ADAMTS17: variants seen among roughly 807,000 people sequenced by gnomAD.
The protein encoded by ADAMTS17 is ADAM metallopeptidase with thrombospondin type 1 motif 17, also known as A disintegrin and metalloproteinase with thrombospondin motifs 17.
Under a neutral mutation model 141.5 loss-of-function variants are expected in ADAMTS17, and 113 were observed. The ratio of observed to expected loss-of-function variants is 0.80; its 90% CI spans 0.69 to 0.93. The LOEUF is 0.93. Ranked by LOEUF, ADAMTS17 falls within the 40% of genes least tolerant of loss-of-function variation. The pLI is 0.00. For synonymous variants in ADAMTS17, 768 were observed against 630.6 expected, an observed-to-expected ratio of 1.22 and a Z score of -3.27; for missense variants, 1,659 against 1,517.9, an observed-to-expected ratio of 1.09 and a Z score of -1.54.
intron 7 of ADAMTS17, among the ~76,000 whole-genome samples, chr15:100,200,297 A>G (rs1345308843): frequency 6.6e-6 from 1 of 152,136 alleles, no homozygotes; most frequent in East Asian, 1.9e-4. Context: ...CAGGGGAAGA[A>G]TGTGGCTTTG....
At chr15:100,329,966 G>T (rs79967627) in intron 3 of ADAMTS17, among the ~76,000 whole-genome samples, 24 of 152,318 alleles carry the variant, frequency 1.6e-4, no homozygotes, top group Non-Finnish European at 3.1e-4. Context: ...AAGACACACT[G>T]CATTTTCATA....
intron 7 of ADAMTS17, among the ~76,000 whole-genome samples, chr15:100,245,723 A>G (rs1452225549): frequency 6.6e-6 from 1 of 152,194 alleles, no homozygotes; most frequent in Non-Finnish European, 1.5e-5. Context: ...TGTTGTTCCC[A>G]GGGCAGACAG....
chr15:100,006,783 C>G (rs2061044250), intron 18 of ADAMTS17, among the ~76,000 whole-genome samples: 2 of 152,212 alleles, frequency 1.3e-5, no homozygotes, highest in Admixed American at 1.3e-4. Flanking sequence ...AGTAAGGAAA[C>G]AGGTGCCTGT....
At chr15:100,136,566 C>G (rs1324667085) in intron 10 of ADAMTS17, among the ~76,000 whole-genome samples, 1 of 152,206 alleles carries the variant, frequency 6.6e-6, no homozygotes, top group Non-Finnish European at 1.5e-5. Flanking sequence ...TCATCCTGAG[C>G]CTCATGGCAG....
chr15:100,134,774 G>C (rs566689553), intron 10 of ADAMTS17, among the ~76,000 whole-genome samples: 2 of 152,200 alleles, frequency 1.3e-5, no homozygotes, highest in African/African-American at 4.8e-5. Context: ...CATTTTTCAC[G>C]TATGTCGGAG....
At chr15:100,122,399 T>G (rs901678997) in intron 12 of ADAMTS17, among the ~76,000 whole-genome samples, 7 of 152,160 alleles carry the variant, frequency 4.6e-5, no homozygotes, top group Non-Finnish European at 1.0e-4. Context: ...ACCTAAATAA[T>G]CCCCAATTGC....
intron 7 of ADAMTS17, among the ~76,000 whole-genome samples, chr15:100,239,547 G>A (rs2141888815): frequency 6.6e-6 from 1 of 152,328 alleles, no homozygotes; most frequent in African/African-American, 2.4e-5. Context: ...GCAGCAAGAA[G>A]AGGCTACCCT....
At chr15:100,071,622 G>A (rs935198271) in intron 15 of ADAMTS17, among the ~76,000 whole-genome samples, 3 of 150,226 alleles carry the variant, frequency 2.0e-5, no homozygotes, top group African/African-American at 2.5e-5. Flanking sequence ...ATCAATAAAC[G>A]TAATCCATCA....
intron 12 of ADAMTS17, among the ~76,000 whole-genome samples, chr15:100,125,592 C>T (rs1295200638): frequency 3.3e-5 from 5 of 152,242 alleles, no homozygotes; most frequent in African/African-American, 1.2e-4. Flanking sequence ...CTGAGCCTTC[C>T]TCTCCCCTCC....
At chr15:100,060,537 C>T (rs1049069035) in intron 15 of ADAMTS17, among the ~76,000 whole-genome samples, 2 of 152,168 alleles carry the variant, frequency 1.3e-5, no homozygotes, top group African/African-American at 4.8e-5. Context: ...GAGGCAGATG[C>T]GAGCTCTGAC....
intron 10 of ADAMTS17, among the ~76,000 whole-genome samples, chr15:100,141,283 C>T (rs911175086): frequency 3.3e-5 from 5 of 152,174 alleles, no homozygotes; most frequent in Non-Finnish European, 5.9e-5. Flanking sequence ...CTCACGTACA[C>T]GAGCCTTCGC....
intron 4 of ADAMTS17, among the ~76,000 whole-genome samples, chr15:100,279,678 G>T (rs190256295): frequency 3.7e-4 from 57 of 152,250 alleles, no homozygotes; most frequent in Non-Finnish European, 7.5e-4. Context: ...CAGGAGTCTG[G>T]CCCAGGCCTG....
At chr15:100,144,188 A>G (rs560715245) in intron 10 of ADAMTS17, among the ~76,000 whole-genome samples, 1 of 152,342 alleles carries the variant, frequency 6.6e-6, no homozygotes, top group East Asian at 1.9e-4. Flanking sequence ...AACCACCATC[A>G]TTTTGAATTG....
chr15:100,112,275 T>C (rs2036836597), intron 13 of ADAMTS17, among the ~76,000 whole-genome samples: 1 of 152,112 alleles, frequency 6.6e-6, no homozygotes, highest in Non-Finnish European at 1.5e-5. Context: ...AGCTCTCACC[T>C]GCAGACACTG....
chr15:100,028,154 G>GCTGAC (rs1245941161), intron 18 of ADAMTS17, among the ~76,000 whole-genome samples: 1 of 152,182 alleles, frequency 6.6e-6, no homozygotes, highest in African/African-American at 2.4e-5. Flanking sequence ...TAAGTGCTCT[G>GCTGAC]CTGACCTGAC....
intron 14 of ADAMTS17, among the ~76,000 whole-genome samples, chr15:100,099,134 A>C (rs1190037024): frequency 6.6e-6 from 1 of 152,196 alleles, no homozygotes; most frequent in Non-Finnish European, 1.5e-5. Flanking sequence ...GCAAACAGGA[A>C]TGCATACAGC....
intron 3 of ADAMTS17, among the ~76,000 whole-genome samples, chr15:100,286,917 C>A (rs545309768): frequency 6.6e-6 from 1 of 152,302 alleles, no homozygotes; most frequent in Non-Finnish European, 1.5e-5. Flanking sequence ...AAAGATGAAA[C>A]GGCCATTATA....
chr15:100,119,304 G>A (rs1002450829), intron 12 of ADAMTS17, among the ~76,000 whole-genome samples: 1 of 152,106 alleles, frequency 6.6e-6, no homozygotes, highest in Non-Finnish European at 1.5e-5. Context: ...GACGACACAA[G>A]GACCAGATGC....
intron 18 of ADAMTS17, among the ~76,000 whole-genome samples, chr15:100,034,753 C>T (rs2030538379): frequency 6.6e-6 from 1 of 152,198 alleles, no homozygotes; most frequent in African/African-American, 2.4e-5. Flanking sequence ...CATCCTGCTC[C>T]CTCGTGTGCC....
Sources: allele counts gnomAD v4.1 joint callset (sites outside exome capture counted in the v4.1 genomes callset), GRCh38; gene constraint gnomAD v4.1.1; transcripts MANE v1.5; gene names NCBI Gene and HGNC (gene_info 2026-07-23, HGNC 2026-07-21).